The following TDRP variants were observed in gnomAD, a reference collection of about 807,000 sequenced individuals.
TDRP encodes the protein testis development related protein, also known as testis development-related protein.
TDRP carries 12 observed loss-of-function variants against 10.5 expected under a neutral mutation model. The ratio of observed to expected loss-of-function variants is 1.15; its 90% CI spans 0.73 to 1.86. TDRP has a LOEUF of 1.86. TDRP is among the 40% of genes most tolerant of loss of function. TDRP has a pLI of 0.00. For synonymous variants in TDRP, 139 were observed against 95.4 expected, an observed-to-expected ratio of 1.46 and a Z score of -2.67; for missense variants, 353 against 229.2, an observed-to-expected ratio of 1.54 and a Z score of -3.49.
intron 1 of TDRP, among the ~76,000 whole-genome samples, chr8:518,565 G>C (rs115432360): frequency 1.3e-5 from 2 of 152,202 alleles, no homozygotes; most frequent in African/African-American, 2.4e-5. Context: ...AAGAACAAAA[G>C]TCTAGGAAAG....
At chr8:532,623 G>A (rs577723121) in intron 1 of TDRP, among the ~76,000 whole-genome samples, 26 of 152,306 alleles carry the variant, frequency 1.7e-4, no homozygotes, top group African/African-American at 6.3e-4. Context: ...GGAAGCTCCG[G>A]AAGAATATAA....
chr8:499,569 G>A (rs1417737120), intron 1 of TDRP, among the ~76,000 whole-genome samples: 1 of 152,216 alleles, frequency 6.6e-6, no homozygotes, highest in Non-Finnish European at 1.5e-5. Context: ...TCTACTGCCA[G>A]GTGAGCAATT....
At chr8:501,422 C>T (rs1280612127) in intron 1 of TDRP, among the ~76,000 whole-genome samples, 1 of 151,870 alleles carries the variant, frequency 6.6e-6, no homozygotes, top group Non-Finnish European at 1.5e-5. Context: ...TCTTGGCTCA[C>T]TGCAACATCC....
intron 1 of TDRP, among the ~76,000 whole-genome samples, chr8:533,129 G>A (rs768183378): frequency 2.0e-5 from 3 of 152,098 alleles, no homozygotes; most frequent in Non-Finnish European, 2.9e-5. Context: ...TGTTCTTCCT[G>A]GTCTCAACCA....
intron 1 of TDRP, among the ~76,000 whole-genome samples, chr8:525,280 A>C (rs1802007001): frequency 6.6e-6 from 1 of 152,200 alleles, no homozygotes; most frequent in Non-Finnish European, 1.5e-5. Flanking sequence ...GATTTTCACC[A>C]ACACCAGATC....
At chr8:494,205 C>G (rs11783003) in intron 2 of TDRP, among the ~76,000 whole-genome samples, 3,903 of 152,062 alleles carry the variant, frequency 0.026, 96 homozygotes, top group Non-Finnish European at 0.041. Flanking sequence ...TTGTGATCTG[C>G]CTGCCTTGGC....
chr8:506,499 A>T (rs1395122532), intron 1 of TDRP, among the ~76,000 whole-genome samples: 1 of 151,872 alleles, frequency 6.6e-6, no homozygotes, highest in African/African-American at 2.4e-5. Context: ...AGAGGTGAGG[A>T]CTCCCTTGTT....
Position 491,539 on chromosome 8 carries a change from A to T in TDRP, c.*860T>A. The stretch of plus-strand genomic sequence containing the variant: ...ACAATAGGCATCTCGCTTTGCAAGA[A>T]CAAACATATGAGCCTAATAAAAAAG... On this transcript the variant is annotated 3_prime_UTR_variant, in exon 3 of 3. Transcript: ENST00000324079. 7.1e-7 allele frequency: 1 copy of T among 1,402,944 alleles called. No individual in the cohort carries two copies. Among genetic ancestry groups the T allele is most frequent in the Non-Finnish European group, 9.5e-7 (1 of 1,057,664 alleles). 86.9% of individuals were successfully genotyped at this position (1,402,944 alleles called of 1,614,324 possible).
intron 1 of TDRP, among the ~76,000 whole-genome samples, chr8:521,251 A>C (rs1314206256): frequency 4.1e-5 from 6 of 145,420 alleles, no homozygotes; most frequent in South Asian, 2.1e-4. Flanking sequence ...AAATCCAAAA[A>C]AAAAAAAAAA....
intron 1 of TDRP, among the ~76,000 whole-genome samples, chr8:519,189 G>A (rs964448240): frequency 4.6e-5 from 7 of 152,182 alleles, no homozygotes; most frequent in Admixed American, 6.5e-5. Context: ...GGAGCTTCCA[G>A]GTTAGTGAAC....
At chr8:540,992 G>T (rs990144550) in intron 1 of TDRP, among the ~76,000 whole-genome samples, 1 of 152,172 alleles carries the variant, frequency 6.6e-6, no homozygotes. Context: ...ACAGAATTGA[G>T]AACTTCTAAC....
chr8:492,487 C>G lies in TDRP; in HGVS notation c.470G>C (p.Arg157Thr), dbSNP rs1478234748. The stretch of plus-strand genomic sequence containing the variant: ...CCTCCCTGCCGCGCGCAGGCTCCAC[C>G]TGGAGCTGTTGGCAGAGCTGGCCAG... ...TSLASSANSSRWSLRAAGRLV... is the reference protein window; with the variant it reads ...TSLASSANSSTWSLRAAGRLV... Residue 157 changes from arginine to threonine, a missense_variant, in exon 3 of 3, where the codon AGG (arginine) becomes ACG (threonine). Physicochemically the swap from Arg to Thr is moderately conservative, Grantham distance 71 (BLOSUM62 -1). Transcript: ENST00000324079. The G allele has an allele frequency of 1.9e-6, 3 of 1,610,990 alleles. No individual in the cohort carries two copies. Among genetic ancestry groups the G allele is most frequent in the South Asian group, 1.1e-5 (1 of 90,648 alleles).
In TDRP at chr8:526,033, G is replaced by C. The variant is rs553968421; in HGVS notation, c.108+18617C>G. Among the ~76,000 whole-genome samples the C allele has an allele frequency of 1.6e-4, 24 of 152,268 alleles. No homozygotes were observed. In the South Asian group the frequency reaches 4.1e-3, roughly 26 times the overall value. Reference sequence around the variant, plus strand: ...CTTCATGGTTCAAACTTCACAGGTTGTATGTATTTCTTCTAGATTTTCCAA... The same window carrying C: ...CTTCATGGTTCAAACTTCACAGGTTCTATGTATTTCTTCTAGATTTTCCAA... On this transcript the variant is annotated intron_variant, in intron 1 of 2. Transcript: ENST00000324079.
At chr8:500,322 G>A (rs1017799735) in intron 1 of TDRP, among the ~76,000 whole-genome samples, 2 of 152,206 alleles carry the variant, frequency 1.3e-5, no homozygotes, top group Admixed American at 6.5e-5. Flanking sequence ...TATCAAAAAT[G>A]TGCAGAGAGG....
Position 544,769 on chromosome 8 carries a change from C to A in TDRP, c.-12G>T. On this transcript the variant is annotated 5_prime_UTR_variant, in exon 1 of 3. Coordinates refer to ENST00000324079, the MANE Select transcript of TDRP (RefSeq NM_001384899.1). ...CCCAGCTTCCACATGGTCAGGCGGG[C>A]TCCGGCGTCCCTCCGTCCGTGCGTC... The A allele has an allele frequency of 8.1e-7, 1 of 1,232,530 alleles. No homozygotes were observed. Among genetic ancestry groups the A allele is most frequent in the Non-Finnish European group, 1.0e-6 (1 of 986,058 alleles). 76.3% of individuals were successfully genotyped at this position (1,232,530 alleles called of 1,614,324 possible). A position where few individuals can be genotyped will look rare whatever the true frequency, so the allele number is the denominator to read the frequency against.
At position 491,640 on chromosome 8, in the gene TDRP, A is replaced by G. The variant is rs942822371; in HGVS notation, c.*759T>C. On this transcript the variant is annotated 3_prime_UTR_variant, in exon 3 of 3. Coordinates refer to ENST00000324079, the MANE Select transcript of TDRP (RefSeq NM_001384899.1). ...CAATGTTTCCTAAATGAAATTATCA[A>G]CTGACTAAAATTGATCCATACTTCT... 14 of 1,531,830 alleles carry G rather than the reference A, an allele frequency of 9.1e-6. No homozygotes were observed. The highest frequency in any genetic ancestry group is 2.0e-5 in the Admixed American group (1 of 50,178). 94.9% of individuals were successfully genotyped at this position (1,531,830 alleles called of 1,614,324 possible). A position where few individuals can be genotyped will look rare whatever the true frequency, so the allele number is the denominator to read the frequency against.
chr8:524,178 G>C (rs1473249888), intron 1 of TDRP, among the ~76,000 whole-genome samples: 2 of 152,176 alleles, frequency 1.3e-5, no homozygotes, highest in Non-Finnish European at 2.9e-5. Context: ...AATTATCCTG[G>C]ATCTTAACCA....
At chr8:529,057 A>G (rs1802113058) in intron 1 of TDRP, among the ~76,000 whole-genome samples, 1 of 152,148 alleles carries the variant, frequency 6.6e-6, no homozygotes, top group African/African-American at 2.4e-5. Context: ...TAGCCTTTTC[A>G]TGTTTTCTGT....
Position 492,377 on chromosome 8 carries a change from C to T in TDRP, c.*22G>A, listed in dbSNP as rs781486637. The stretch of plus-strand genomic sequence containing the variant: ...CTCATAAAAGGCCACCATGTCGGGG[C>T]ACACTTGCCACGCAGCCCCCCTCAC... On this transcript the variant is annotated 3_prime_UTR_variant, in exon 3 of 3. Coordinates refer to ENST00000324079, the MANE Select transcript of TDRP (RefSeq NM_001384899.1). The T allele has an allele frequency of 9.4e-6, 14 of 1,482,758 alleles. No homozygotes were observed. The highest frequency in any genetic ancestry group is 1.4e-5 in the South Asian group (1 of 69,274). The allele number at this position is 1,482,758 out of a possible 1,614,324, so 91.9% of individuals were successfully genotyped here.
Sources: allele counts gnomAD v4.1 joint callset (sites outside exome capture counted in the v4.1 genomes callset), GRCh38; gene constraint gnomAD v4.1.1; transcripts MANE v1.5; gene names NCBI Gene and HGNC (gene_info 2026-07-23, HGNC 2026-07-21).